Variants in MAD1L1 observed in about 807,000 individuals in gnomAD.
The protein encoded by MAD1L1 is mitotic arrest deficient 1 like 1, also known as mitotic spindle assembly checkpoint protein MAD1.
MAD1L1 carries 95 observed loss-of-function variants against 96.9 expected under a neutral mutation model. That is an observed-to-expected ratio of 0.98 (90% confidence interval 0.83 to 1.16). MAD1L1 has a LOEUF of 1.16. Ranked by LOEUF, MAD1L1 falls within the 50% of genes most tolerant of loss-of-function variation. MAD1L1 has a pLI of 0.00. For synonymous variants in MAD1L1, 473 were observed against 396.6 expected (o/e 1.19, Z -2.29); for missense variants, 1,007 against 954.4 (o/e 1.06, Z -0.73).
intron 10 of MAD1L1, among the ~76,000 whole-genome samples, chr7:2,197,504 G>A (rs1360327866): frequency 2.0e-5 from 3 of 152,054 alleles, no homozygotes; most frequent in East Asian, 1.9e-4. Flanking sequence ...CTCCGCCGAC[G>A]CCTGGTACAC....
At chr7:2,036,551 A>G (rs1783445827) in intron 12 of MAD1L1, among the ~76,000 whole-genome samples, 1 of 152,182 alleles carries the variant, frequency 6.6e-6, no homozygotes, top group South Asian at 2.1e-4. Flanking sequence ...ATATATCAAA[A>G]TTAAATCCCA....
intron 18 of MAD1L1, among the ~76,000 whole-genome samples, chr7:1,843,971 G>A (rs1419645907): frequency 6.6e-6 from 1 of 152,180 alleles, no homozygotes; most frequent in Non-Finnish European, 1.5e-5. Flanking sequence ...TTTCTTCTGA[G>A]GGGCCTGAGC....
chr7:1,822,443 T>TA (rs57772706), intron 18 of MAD1L1, among the ~76,000 whole-genome samples: 3,784 of 105,308 alleles, frequency 0.036, 116 homozygotes, highest in African/African-American at 0.082. Flanking sequence ...TATATATATA[T>TA]TTTTTTTTTT....
intron 14 of MAD1L1, among the ~76,000 whole-genome samples, chr7:2,000,677 G>T (rs531854425): frequency 6.6e-6 from 1 of 152,204 alleles, no homozygotes; most frequent in East Asian, 1.9e-4. Context: ...TACTCACTTG[G>T]CAACAGTGTG....
chr7:1,895,099 G>A (rs1436013186), intron 18 of MAD1L1, among the ~76,000 whole-genome samples: 4 of 152,248 alleles, frequency 2.6e-5, no homozygotes, highest in Non-Finnish European at 5.9e-5. Flanking sequence ...GCTTCCTGGA[G>A]AAGGTGTCTA....
intron 12 of MAD1L1, among the ~76,000 whole-genome samples, chr7:2,029,136 A>G (rs1176320467): frequency 6.6e-6 from 1 of 152,246 alleles, no homozygotes; most frequent in East Asian, 1.9e-4. Flanking sequence ...GAATGAGAGG[A>G]GACATTTGAA....
chr7:1,994,315 G>GGGGAAGAGCGTGTCTGCGATGCAT (rs1296835271), intron 14 of MAD1L1, among the ~76,000 whole-genome samples: 2 of 152,232 alleles, frequency 1.3e-5, no homozygotes, highest in African/African-American at 4.8e-5. Context: ...CTGCGATGCA[G>GGGGAAGAGCGTGTCTGCGATGCAT]GGGCAGCAGC....
At chr7:2,207,057 G>A (rs911505597) in intron 10 of MAD1L1, among the ~76,000 whole-genome samples, 3 of 142,684 alleles carry the variant, frequency 2.1e-5, no homozygotes, top group Non-Finnish European at 4.5e-5. Flanking sequence ...CAGCCTGGGC[G>A]ACAGAGTAAG....
chr7:1,985,010 A>G (rs1392639984), intron 14 of MAD1L1, among the ~76,000 whole-genome samples: 1 of 152,136 alleles, frequency 6.6e-6, no homozygotes, highest in African/African-American at 2.4e-5. Context: ...TGTATCTCCT[A>G]TGTTGGGTGC....
chr7:1,979,811 G>A (rs924839151), intron 15 of MAD1L1, among the ~76,000 whole-genome samples: 8 of 152,186 alleles, frequency 5.3e-5, no homozygotes, highest in Non-Finnish European at 1.2e-4. Flanking sequence ...CAGCCATCTC[G>A]GCACAGCACT....
At position 1,940,974 on chromosome 7, in the gene MAD1L1, CCCTCCTCTTCCTCTCCCAGGCCTCAG is replaced by C. The variant is rs760457140; in HGVS notation, c.1597-4103_1597-4078del. Among the ~76,000 whole-genome samples the C allele has an allele frequency of 8.1e-4, 92 of 114,228 alleles. 1 individual carries two copies. Among genetic ancestry groups the C allele is most frequent in the African/African-American group, 2.4e-3 (66 of 27,554 alleles). The allele number at this position is 114,228 out of a possible 152,430, so 74.9% of individuals were successfully genotyped here. A position where few individuals can be genotyped will look rare whatever the true frequency, so the allele number is the denominator to read the frequency against. Reference sequence around the variant, plus strand: ...CCTCTTCCTCCCCCCGCAGGCCTCACCCTCCTCTTCCTCTCCCAGGCCTCAGCCTCCTCTTCCTCCCCAGGCTTCAA... The same window carrying C: ...CCTCTTCCTCCCCCCGCAGGCCTCACCCTCCTCTTCCTCCCCAGGCTTCAA... On this transcript the variant is annotated intron_variant, in intron 16 of 18. Transcript: ENST00000265854.
At chr7:2,057,011 C>T (rs1459276190) in intron 12 of MAD1L1, among the ~76,000 whole-genome samples, 1 of 152,226 alleles carries the variant, frequency 6.6e-6, no homozygotes, top group Non-Finnish European at 1.5e-5. Flanking sequence ...ACCTTCTGGG[C>T]TCAGCAAGGG....
chr7:2,161,979 C>T (rs183385727), intron 10 of MAD1L1, among the ~76,000 whole-genome samples: 1 of 147,504 alleles, frequency 6.8e-6, no homozygotes, highest in Admixed American at 6.7e-5. Flanking sequence ...AGGTGGGGGG[C>T]GGCCCCCGCC....
At chr7:2,181,730 C>T (rs143891331) in intron 10 of MAD1L1, among the ~76,000 whole-genome samples, 2 of 152,154 alleles carry the variant, frequency 1.3e-5, no homozygotes, top group East Asian at 3.8e-4. Context: ...CACGCATGTT[C>T]ACAGCAGCAC....
intron 18 of MAD1L1, among the ~76,000 whole-genome samples, chr7:1,888,679 CAT>C (rs373459032): frequency 7.3e-5 from 11 of 151,664 alleles, no homozygotes; most frequent in African/African-American, 2.4e-4. Flanking sequence ...GCTGTCTGTG[CAT>C]GTGTCCATGC....
At chr7:1,850,006 T>C (rs957920008) in intron 18 of MAD1L1, 1 of 152,202 alleles carries the variant, frequency 6.6e-6, no homozygotes, top group Non-Finnish European at 1.5e-5. Context: ...CAGCCCCGCT[T>C]TGATTAGGAA....
chr7:1,934,199 C>T (rs1043854837), intron 17 of MAD1L1, among the ~76,000 whole-genome samples: 1 of 152,246 alleles, frequency 6.6e-6, no homozygotes, highest in Non-Finnish European at 1.5e-5. Context: ...CTCTGCTCAT[C>T]CTCCCCTTCC....
chr7:2,125,581 A>C (rs1193322216), intron 11 of MAD1L1, among the ~76,000 whole-genome samples: 1 of 152,160 alleles, frequency 6.6e-6, no homozygotes. Context: ...TTCTAGCTAC[A>C]ACCCCCACCA....
intron 17 of MAD1L1, among the ~76,000 whole-genome samples, chr7:1,931,225 G>T (rs1203649550): frequency 6.8e-6 from 1 of 147,790 alleles, no homozygotes; most frequent in Non-Finnish European, 1.5e-5. Context: ...GACACCACGG[G>T]AACACCCCCA....
Sources: allele counts gnomAD v4.1 joint callset (sites outside exome capture counted in the v4.1 genomes callset), GRCh38; gene constraint gnomAD v4.1.1; transcripts MANE v1.5; gene names NCBI Gene and HGNC (gene_info 2026-07-23, HGNC 2026-07-21).